The following ARHGEF7 variants were observed in gnomAD, a reference collection of about 807,000 sequenced individuals.
ARHGEF7 encodes the protein Rho guanine nucleotide exchange factor 7.
Under a neutral mutation model 109.8 loss-of-function variants are expected in ARHGEF7, and 33 were observed. The observed-to-expected ratio is 0.30, with a 90% CI of 0.23 to 0.40. The LOEUF is 0.40. Among genes scored for constraint, ARHGEF7 ranks in the 10% least tolerant of loss-of-function variants. The probability of loss-of-function intolerance (pLI) is 1.00; values close to 1 mark genes in which losing one functional copy is unlikely to be tolerated. For synonymous variants in ARHGEF7, 458 were observed against 424.6 expected, an observed-to-expected ratio of 1.08 and a Z score of -0.97; for missense variants, 938 against 1,098.5, an observed-to-expected ratio of 0.85 and a Z score of 2.07.
intron 19 of ARHGEF7, chr13:111,292,781 A>G: frequency 6.0e-6 from 6 of 1,000,262 alleles, no homozygotes; most frequent in Non-Finnish European, 7.2e-6. Context: ...ACACTGATCA[A>G]GTAGTTGTGG....
In ARHGEF7 at chr13:111,131,545, C is replaced by A. The variant is rs866281253; in HGVS notation, c.165+15854C>A. ...AGGACTTGTGAGGTTTCTTACAGGG[C>A]AGTTAAAGTGCGAACGTGAGAAGGC... On this transcript the variant is annotated intron_variant, in intron 1 of 21. Coordinates refer to ENST00000646102, the MANE Select transcript of ARHGEF7 (RefSeq NM_001354046.2). This position sits in a 1 kb window ranked among gnomAD's most constrained non-coding sequence, Gnocchi z 4.4. 5.9e-5 allele frequency among the ~76,000 whole-genome samples: 9 copies of A among 152,064 alleles called. No homozygotes were observed. Among genetic ancestry groups the A allele is most frequent in the African/African-American group, 1.9e-4 (8 of 41,408 alleles).
rs987888199 is a variant in ARHGEF7 at position 111,239,632 on chromosome 13, G to A, written c.760-4240G>A. ...CTCCTGAAGTCTCTGCTTGGGGCCC[G>A]TAGGTGGAGATGGTTAATGATGAGG... is the stretch of plus-strand genomic sequence containing the variant. On this transcript the variant is annotated intron_variant, in intron 6 of 21. Transcript: ENST00000646102. The surrounding 1 kb of genome is among the most constrained non-coding windows in gnomAD (Gnocchi z 4.3). 1.4e-4 allele frequency among the ~76,000 whole-genome samples: 22 copies of A among 152,164 alleles called. No homozygotes were observed. The highest frequency in any genetic ancestry group is 3.9e-4 in the East Asian group (2 of 5,166).
intron 5 of ARHGEF7, among the ~76,000 whole-genome samples, chr13:111,224,076 C>G (rs946041518): frequency 3.3e-5 from 5 of 152,142 alleles, no homozygotes; most frequent in African/African-American, 9.7e-5. Flanking sequence ...AGGCTGGCCT[C>G]GAACACCTGA....
chr13:111,211,916 G>C (rs1316662597), intron 4 of ARHGEF7, among the ~76,000 whole-genome samples: 1 of 152,170 alleles, frequency 6.6e-6, no homozygotes, highest in Non-Finnish European at 1.5e-5. Context: ...TCAGTTTTGA[G>C]ATCATATTAA....
At chr13:111,192,711 G>A (rs928739798) in intron 2 of ARHGEF7, among the ~76,000 whole-genome samples, 58 of 152,228 alleles carry the variant, frequency 3.8e-4, no homozygotes, top group Non-Finnish European at 7.4e-4. Flanking sequence ...TATCCCTAGC[G>A]CCCTGGAAGG....
chr13:111,221,533 C>CTATATATATCTA (rs559489504), intron 5 of ARHGEF7, among the ~76,000 whole-genome samples: 2 of 33,810 alleles, frequency 5.9e-5, no homozygotes, highest in South Asian at 8.8e-4. Flanking sequence ...CTATATATAT[C>CTATATATATCTA]TATATATAGA....
At chr13:111,302,260 G>A (rs1214644125) in intron 21 of ARHGEF7, among the ~76,000 whole-genome samples, 3 of 152,110 alleles carry the variant, frequency 2.0e-5, no homozygotes, top group Admixed American at 6.5e-5. Flanking sequence ...CCAGCTAGGC[G>A]AGGGAAGGTT....
In ARHGEF7 at chr13:111,273,997, A is replaced by T. The variant is rs1221950093; in HGVS notation, c.1212+45A>T. On this transcript the variant is annotated intron_variant, in intron 10 of 21. Transcript: ENST00000646102. The surrounding 1 kb of genome is among the most constrained non-coding windows in gnomAD (Gnocchi z 4.5). The stretch of plus-strand genomic sequence containing the variant: ...TTACTTGGAGTCCTTACCAAGGGTT[A>T]GTGGCATGGTCAGACTTACTGTGAA... The T allele has an allele frequency of 6.2e-7, 1 of 1,602,774 alleles. No individual in the cohort carries two copies. Among genetic ancestry groups the T allele is most frequent in the East Asian group, 2.2e-5 (1 of 44,572 alleles).
chr13:111,269,422 G>T (rs985412416), intron 9 of ARHGEF7, among the ~76,000 whole-genome samples: 2 of 152,242 alleles, frequency 1.3e-5, no homozygotes, highest in African/African-American at 2.4e-5. Context: ...AGCCATTCAA[G>T]AGCAGTGCTT....
chr13:111,280,045 C>T (rs2092699894), intron 13 of ARHGEF7, among the ~76,000 whole-genome samples: 1 of 152,160 alleles, frequency 6.6e-6, no homozygotes, highest in Non-Finnish European at 1.5e-5. Context: ...GTCACTCTGT[C>T]CCTTGTCGCC....
chr13:111,118,073 G>A (rs1183890683), intron 1 of ARHGEF7, among the ~76,000 whole-genome samples: 1 of 152,270 alleles, frequency 6.6e-6, no homozygotes, highest in Admixed American at 6.5e-5. Flanking sequence ...CAGCCAGTGA[G>A]CGGAGGGCAA....
At chr13:111,146,184 G>A (rs1220429082) in intron 1 of ARHGEF7, among the ~76,000 whole-genome samples, 2 of 152,196 alleles carry the variant, frequency 1.3e-5, no homozygotes, top group African/African-American at 4.8e-5. Flanking sequence ...CCTTCATTCT[G>A]TGGTTGGGAG....
intron 12 of ARHGEF7, chr13:111,275,945 G>T: frequency 2.3e-6 from 1 of 434,520 alleles, no homozygotes. Context: ...TAGATAGTGT[G>T]CAGAAAGACT....
Position 111,132,979 on chromosome 13 carries a change from CAT to C in ARHGEF7, c.165+17289_165+17290del, listed in dbSNP as rs1179233662. On this transcript the variant is annotated intron_variant, in intron 1 of 21. Transcript: ENST00000646102. ...ATATACACACATGCATCTGTACACA[CAT>C]GTATATATACACGTATATGCATACA... Among the ~76,000 whole-genome samples the C allele has an allele frequency of 6.6e-5, 10 of 152,068 alleles. No homozygotes were observed. In the East Asian group the frequency reaches 7.7e-4, roughly 12 times the overall value.
chr13:111,212,357 G>A (rs2082605377), intron 4 of ARHGEF7, among the ~76,000 whole-genome samples: 1 of 152,134 alleles, frequency 6.6e-6, no homozygotes, highest in Admixed American at 6.5e-5. Flanking sequence ...CGGTGGTGAA[G>A]AATGTGGTAG....
chr13:111,146,091 G>A (rs974074403), intron 1 of ARHGEF7, among the ~76,000 whole-genome samples: 3 of 152,152 alleles, frequency 2.0e-5, no homozygotes, highest in Non-Finnish European at 2.9e-5. Flanking sequence ...TGTAGGTCTA[G>A]CTGTGGACAG....
chr13:111,151,559 CATCACACACT>C lies in ARHGEF7; in HGVS notation c.166-2343_166-2334del, dbSNP rs549725464. ...TGCTTTTCCATCTTTTCCATAGCTT[CATCACACACT>C]ATAGATGTTACTTTAGCACTTTCTG... On this transcript the variant is annotated intron_variant, in intron 1 of 21. Coordinates refer to ENST00000646102, the MANE Select transcript of ARHGEF7 (RefSeq NM_001354046.2). 4.4e-4 allele frequency among the ~76,000 whole-genome samples: 67 copies of C among 152,340 alleles called. 1 individual carries two copies. The East Asian group carries it at 9.6e-3, about 22-fold the overall frequency.
At chr13:111,124,544 C>T (rs1192186470) in intron 1 of ARHGEF7, among the ~76,000 whole-genome samples, 2 of 152,190 alleles carry the variant, frequency 1.3e-5, no homozygotes, top group Non-Finnish European at 2.9e-5. Flanking sequence ...CGGACCCCTG[C>T]AAGGATGGCA....
chr13:111,274,918 C>T (rs183142190), intron 11 of ARHGEF7, 128 bp downstream of exon 11: 35 of 561,252 alleles, frequency 6.2e-5, no homozygotes, highest in Admixed American at 3.9e-4. Context: ...AAAACAGAGT[C>T]GGCATTCTGT....
Sources: gnomAD v4.1 joint callset for allele counts (sites outside exome capture counted in the v4.1 genomes callset) on GRCh38, gnomAD v4.1.1 for gene constraint, Gnocchi (gnomAD v3.1) non-coding constraint, MANE v1.5 for transcripts, NCBI Gene and HGNC (gene_info 2026-07-23, HGNC 2026-07-21) for gene names.